Variants in HENMT1 observed in about 807,000 individuals in gnomAD.
HENMT1 encodes HEN methyltransferase 1.
HENMT1 carries 27 observed loss-of-function variants against 31.1 expected under a neutral mutation model. The ratio of observed to expected loss-of-function variants is 0.87; its 90% CI spans 0.64 to 1.20. The LOEUF (loss-of-function observed/expected upper bound fraction) is 1.20. HENMT1 is among the 50% of genes most tolerant of loss of function. HENMT1 has a pLI of 0.00. For missense variants in HENMT1, 438 were observed against 469.6 expected, an observed-to-expected ratio of 0.93 and a Z score of 0.62; for synonymous variants, 167 against 172.2, an observed-to-expected ratio of 0.97 and a Z score of 0.24.
intron 3 of HENMT1, 46 bp from the exon 4 acceptor site, chr1:108,655,744 G>T: frequency 7.2e-7 from 1 of 1,386,784 alleles, no homozygotes; most frequent in South Asian, 1.2e-5. Context: ...TATAGCAAGA[G>T]AAGTATGATC....
chr1:108,654,700 T>A lies in HENMT1; in HGVS notation c.398+16A>T. On this transcript the variant is annotated intron_variant, in intron 5 of 7. Transcript: ENST00000651461. ...TTCAAATGAACAGTTATACAGTGTA[T>A]CAGTTTAAAACTTACAATTCAATAC... is the stretch of plus-strand genomic sequence containing the variant. 1 of 1,613,344 alleles carries A rather than the reference T, an allele frequency of 6.2e-7. No individual in the cohort carries two copies. Among genetic ancestry groups the A allele is most frequent in the Non-Finnish European group, 8.5e-7 (1 of 1,179,278 alleles).
At chr1:108,656,938 T>C (rs1355313145) in intron 3 of HENMT1, among the ~76,000 whole-genome samples, 1 of 152,190 alleles carries the variant, frequency 6.6e-6, no homozygotes, top group African/African-American at 2.4e-5. Context: ...CTGAGCCCTG[T>C]GTTTCTGGCA....
chr1:108,651,550 C>T (rs372130405), intron 5 of HENMT1: 2 of 166,476 alleles, frequency 1.2e-5, no homozygotes, highest in South Asian at 3.2e-4. Context: ...GAGGCTGAGG[C>T]GGGAGAATCA....
At chr1:108,651,680 G>GGAAA (rs1658058764) in intron 5 of HENMT1, among the ~76,000 whole-genome samples, 1 of 141,898 alleles carries the variant, frequency 7.0e-6, no homozygotes, top group East Asian at 2.1e-4. Flanking sequence ...AAGGAAGGAA[G>GGAAA]GAAAGAAAGA....
chr1:108,649,124 G>A (rs750687240), intron 7 of HENMT1, 133 bp from the exon 8 acceptor site: 5 of 680,804 alleles, frequency 7.3e-6, no homozygotes, highest in Non-Finnish European at 1.2e-5. Context: ...CCTACTAATC[G>A]TAAATGCCTC....
chr1:108,652,662 C>T (rs1484856148), intron 5 of HENMT1, among the ~76,000 whole-genome samples: 24 of 152,092 alleles, frequency 1.6e-4, no homozygotes, highest in Admixed American at 1.6e-3. Flanking sequence ...AATTGTAAAC[C>T]AGCCAGGCAC....
intron 2 of HENMT1, among the ~76,000 whole-genome samples, chr1:108,658,451 G>C (rs1366800988): frequency 6.6e-6 from 1 of 152,158 alleles, no homozygotes; most frequent in Admixed American, 6.5e-5. Flanking sequence ...TTTTAAGAGA[G>C]AGAGAGGATC....
intron 5 of HENMT1, among the ~76,000 whole-genome samples, chr1:108,652,799 C>G (rs1274675548): frequency 6.6e-6 from 1 of 151,864 alleles, no homozygotes; most frequent in Non-Finnish European, 1.5e-5. Flanking sequence ...AAAAAATTAG[C>G]CAGGTGTGGT....
chr1:108,651,726 AAGAG>A (rs985748472), intron 5 of HENMT1, among the ~76,000 whole-genome samples: 7 of 150,542 alleles, frequency 4.6e-5, no homozygotes, highest in African/African-American at 9.8e-5. Flanking sequence ...AAGAAAGAGA[AAGAG>A]AGAGAAGAGA....
chr1:108,654,921 A>C, intron 4 of HENMT1, 71 bp from the exon 5 acceptor site: 7 of 1,442,702 alleles, frequency 4.9e-6, no homozygotes, highest in Admixed American at 1.8e-5. Context: ...TACAGAACTC[A>C]GATCCTCTGA....
In HENMT1 at chr1:108,648,787, C is replaced by G; in HGVS notation, c.961G>C (p.Val321Leu). 1 of 1,614,212 alleles carries G rather than the reference C, an allele frequency of 6.2e-7. No homozygotes were observed. The highest frequency in any genetic ancestry group is 8.5e-7 in the Non-Finnish European group (1 of 1,180,020). Residue 321 changes from valine to leucine, a missense_variant, in exon 8 of 8, where the codon GTT becomes CTT. Coordinates refer to ENST00000651461, the MANE Select transcript of HENMT1 (RefSeq NM_001102592.2). The stretch of plus-strand genomic sequence containing the variant: ...GAGTTCTCTATCTTGGCCTTCTCAA[C>G]CTCTGTGAAGACTGGTCCAAAGCAT... ...VPCFGPVFTE[V>L]EKAKIENSPT...
rs1315737349 is a variant in HENMT1 at position 108,659,870 on chromosome 1, AT to A, written c.14del (p.Asn5IlefsTer38). The A allele has an allele frequency of 6.3e-7, 1 of 1,579,460 alleles. No homozygotes were observed. Among genetic ancestry groups the A allele is most frequent in the Non-Finnish European group, 8.7e-7 (1 of 1,155,336 alleles). On this transcript the variant is annotated frameshift_variant, in exon 2 of 8. Transcript: ENST00000651461. LOFTEE classifies it high-confidence loss of function. MEEN[N>X]LQCSSVVDGN... Reference sequence around the variant, plus strand: ...CTAAGAAGGGTGGCATTACCTGTAGATTATTTTCTTCCATTTTGTTTCGAAG... The same window carrying A: ...CTAAGAAGGGTGGCATTACCTGTAGATATTTTCTTCCATTTTGTTTCGAAG...
At chr1:108,653,032 CTT>C (rs796472509) in intron 5 of HENMT1, among the ~76,000 whole-genome samples, 4 of 143,038 alleles carry the variant, frequency 2.8e-5, no homozygotes. Context: ...ATATACATCC[CTT>C]TTTTTTTTTT....
Position 108,657,511 on chromosome 1 carries a change from T to C in HENMT1, c.90A>G (p.Pro30=), listed in dbSNP as rs948851168. The change falls in exon 3 of 8, where the codon CCA becomes CCG. Residue 30 remains proline (P), a synonymous_variant. Coordinates refer to ENST00000651461, the MANE Select transcript of HENMT1 (RefSeq NM_001102592.2). ...PRETAIQFKP[P]LYRQRYQFVK... is the part of the protein sequence containing the mutation. Reference sequence around the variant, plus strand: ...CGAACTGGTACCGCTGTCTGTATAGTGGAGGTTTAAACTGAATTGCCGTCT... The same window carrying C: ...CGAACTGGTACCGCTGTCTGTATAGCGGAGGTTTAAACTGAATTGCCGTCT... 4.3e-6 allele frequency: 7 copies of C among 1,611,638 alleles called. No individual in the cohort carries two copies. Among genetic ancestry groups the C allele is most frequent in the South Asian group, 1.1e-5 (1 of 91,038 alleles).
In HENMT1 at chr1:108,654,798, A is replaced by G. The variant is rs1658167024; in HGVS notation, c.316T>C (p.Leu106=). 6.2e-7 allele frequency: 1 copy of G among 1,614,014 alleles called. No individual in the cohort carries two copies. Among genetic ancestry groups the G allele is most frequent in the Non-Finnish European group, 8.5e-7 (1 of 1,179,992 alleles). ...GDFLKPRDLN[L]TITLYHGSVV... is the part of the protein sequence containing the mutation. ...GAGCCATGATACAATGTGATGGTCA[A>G]ATTCAGATCCCGAGGTTTCAGAAAA... The change falls in exon 5 of 8, where the codon TTG becomes CTG. Residue 106 remains leucine, a synonymous_variant. Transcript: ENST00000651461.
chr1:108,655,241 T>C (rs771165787), intron 4 of HENMT1, among the ~76,000 whole-genome samples: 8 of 152,216 alleles, frequency 5.3e-5, no homozygotes, highest in Non-Finnish European at 1.0e-4. Flanking sequence ...TGGTTCAAAA[T>C]GCAGGCGGTG....
intron 6 of HENMT1, 25 bp from the exon 7 acceptor site, chr1:108,650,413 T>A: frequency 6.3e-7 from 1 of 1,594,592 alleles, no homozygotes; most frequent in Non-Finnish European, 8.5e-7. Flanking sequence ...AGGACAGCAA[T>A]CATTTTTCTA....
chr1:108,651,265 T>C (rs1224249306), intron 5 of HENMT1, 56 bp from the exon 6 acceptor site: 2 of 1,413,846 alleles, frequency 1.4e-6, no homozygotes, highest in African/African-American at 2.9e-5. Flanking sequence ...GCACCTATTT[T>C]TCTAATTGAT....
Position 108,653,032 on chromosome 1 carries a change from CT to C in HENMT1, c.398+1683del, listed in dbSNP as rs796472509. Among the ~76,000 whole-genome samples, 1,202 of 142,784 alleles carry C rather than the reference CT, an allele frequency of 8.4e-3. 8 individuals carry two copies. The highest frequency in any genetic ancestry group is 0.031 in the East Asian group (150 of 4,886). 93.7% of individuals were successfully genotyped at this position (142,784 alleles called of 152,430 possible). A position where few individuals can be genotyped will look rare whatever the true frequency, so the allele number is the denominator to read the frequency against. On this transcript the variant is annotated intron_variant, in intron 5 of 7. Coordinates refer to ENST00000651461, the MANE Select transcript of HENMT1 (RefSeq NM_001102592.2). ...AGTATTCCATTGTGCATATACATCC[CT>C]TTTTTTTTTTTGAGACGGAGTTTTG...
Sources: allele counts gnomAD v4.1 joint callset (sites outside exome capture counted in the v4.1 genomes callset), GRCh38; gene constraint gnomAD v4.1.1; transcripts MANE v1.5; gene names NCBI Gene and HGNC (gene_info 2026-07-23, HGNC 2026-07-21).